The following NRXN1 variants were observed in gnomAD, a reference collection of about 807,000 sequenced individuals.
NRXN1 encodes neurexin-1.
NRXN1 carries 39 observed loss-of-function variants against 150.9 expected under a neutral mutation model. The observed-to-expected ratio is 0.26, with a 90% CI of 0.20 to 0.34. NRXN1 has a LOEUF of 0.34. Among genes scored for constraint, NRXN1 ranks in the 10% least tolerant of loss-of-function variants. NRXN1 has a pLI of 1.00. For missense variants in NRXN1, 1,815 were observed against 1,949.9 expected (o/e 0.93, Z 1.30); for synonymous variants, 924 against 757.0 (o/e 1.22, Z -3.62).
intron 17 of NRXN1, among the ~76,000 whole-genome samples, chr2:50,393,280 G>A (rs2081856411): frequency 6.6e-6 from 1 of 151,792 alleles, no homozygotes. Flanking sequence ...TTATCATACT[G>A]CCATTTATTC....
intron 5 of NRXN1, among the ~76,000 whole-genome samples, chr2:50,844,779 T>C (rs537322203): frequency 7.9e-5 from 12 of 152,280 alleles, no homozygotes; most frequent in East Asian, 1.9e-4. Flanking sequence ...AGAGCAAGTA[T>C]CATGGAATGG....
intron 8 of NRXN1, among the ~76,000 whole-genome samples, chr2:50,570,160 A>T (rs1430936834): frequency 6.6e-6 from 1 of 152,184 alleles, no homozygotes. Flanking sequence ...TCAAAGCAGG[A>T]ATGTCTTTTA....
At chr2:50,037,316 TA>T (rs199998218) in intron 21 of NRXN1, among the ~76,000 whole-genome samples, 4 of 122,280 alleles carry the variant, frequency 3.3e-5, no homozygotes, top group Non-Finnish European at 7.3e-5. Flanking sequence ...TCAAAATTTA[TA>T]AAAAAAATTT....
intron 22 of NRXN1, among the ~76,000 whole-genome samples, chr2:49,925,635 T>C (rs993364526): frequency 1.3e-5 from 2 of 152,148 alleles, no homozygotes; most frequent in African/African-American, 4.8e-5. Flanking sequence ...AATTTTGCAT[T>C]CCCTCTACAC....
chr2:50,603,104 T>C (rs990374281), intron 8 of NRXN1, among the ~76,000 whole-genome samples: 1 of 152,178 alleles, frequency 6.6e-6, no homozygotes, highest in Non-Finnish European at 1.5e-5. Context: ...TATTTAAAAA[T>C]GGACTATGAG....
chr2:50,755,146 T>C (rs1413288354), intron 5 of NRXN1, among the ~76,000 whole-genome samples: 1 of 151,814 alleles, frequency 6.6e-6, no homozygotes, highest in Non-Finnish European at 1.5e-5. Context: ...TGAGAACTGC[T>C]CCACTGGACA....
rs557282385 is a variant in NRXN1, at chr2:50,144,630, T to C, written c.3547-53136A>G. Among the ~76,000 whole-genome samples, 95 of 151,992 alleles carry C rather than the reference T, an allele frequency of 6.3e-4. 1 individual carries two copies. The highest frequency in any genetic ancestry group is 2.1e-3 in the African/African-American group (86 of 41,518). On this transcript the variant is annotated intron_variant, in intron 18 of 22. Transcript: ENST00000401669. ...ACCTTTGATTTAGTGTATGGAATAATTATATATGTATATATGTATGTATGT... is the reference window on the plus strand; with the variant it reads ...ACCTTTGATTTAGTGTATGGAATAACTATATATGTATATATGTATGTATGT...
chr2:50,612,972 C>T (rs1055112060), intron 8 of NRXN1, among the ~76,000 whole-genome samples: 43 of 152,190 alleles, frequency 2.8e-4, no homozygotes, highest in Non-Finnish European at 6.0e-4. Flanking sequence ...AGTAGAAGGA[C>T]TGAAATACAT....
chr2:50,724,587 G>T (rs962062137), intron 5 of NRXN1, among the ~76,000 whole-genome samples: 1 of 151,990 alleles, frequency 6.6e-6, no homozygotes, highest in Admixed American at 6.6e-5. Flanking sequence ...ACGTTGTATG[G>T]CTTTATATGG....
chr2:50,783,399 T>A (rs1362656328), intron 5 of NRXN1, among the ~76,000 whole-genome samples: 1 of 152,114 alleles, frequency 6.6e-6, no homozygotes, highest in Non-Finnish European at 1.5e-5. Flanking sequence ...TTTTGGAACA[T>A]ATTTGGCTTT....
intron 2 of NRXN1, among the ~76,000 whole-genome samples, chr2:50,952,733 G>A (rs989477859): frequency 6.6e-6 from 1 of 152,148 alleles, no homozygotes; most frequent in African/African-American, 2.4e-5. Flanking sequence ...ATGCAATTTG[G>A]CAGCAAATCA....
chr2:50,442,789 G>C (rs1336772098), intron 17 of NRXN1, among the ~76,000 whole-genome samples: 1 of 152,174 alleles, frequency 6.6e-6, no homozygotes, highest in Non-Finnish European at 1.5e-5. Context: ...TAGGAGACAG[G>C]TAGAGCAGCA....
chr2:50,638,679 T>G (rs570358475), intron 5 of NRXN1, among the ~76,000 whole-genome samples: 3 of 152,300 alleles, frequency 2.0e-5, no homozygotes, highest in African/African-American at 4.8e-5. Flanking sequence ...TTTCTACTTG[T>G]GGGTAAACCA....
At chr2:50,531,469 T>TA (rs2093109141) in intron 10 of NRXN1, 39 bp from the exon 11 acceptor site, 1 of 1,464,154 alleles carries the variant, frequency 6.8e-7, no homozygotes, top group Non-Finnish European at 9.4e-7. Context: ...TCTTGGATGG[T>TA]ATAGCGCATT....
intron 18 of NRXN1, among the ~76,000 whole-genome samples, chr2:50,202,652 T>C (rs544708921): frequency 3.2e-4 from 48 of 152,250 alleles, no homozygotes; most frequent in African/African-American, 1.0e-3. Context: ...CTGACACTTA[T>C]AGCAAAATTA....
In NRXN1 at chr2:50,136,317, A is replaced by C. The variant is rs572549187; in HGVS notation, c.3547-44823T>G. On this transcript the variant is annotated intron_variant, in intron 18 of 22. Transcript: ENST00000401669. The stretch of plus-strand genomic sequence containing the variant: ...AAAATGAGCTGGGTTAAGTATCCAA[A>C]CCAAGGAACAAGTTCATTTAAATGG... Among the ~76,000 whole-genome samples the C allele has an allele frequency of 2.0e-5, 3 of 152,326 alleles. No individual in the cohort carries two copies. In the East Asian group the frequency reaches 5.8e-4, roughly 29 times the overall value.
intron 10 of NRXN1, among the ~76,000 whole-genome samples, chr2:50,533,453 A>C (rs921742765): frequency 6.6e-6 from 1 of 152,182 alleles, no homozygotes; most frequent in African/African-American, 2.4e-5. Context: ...CTCATTGCTC[A>C]GACCTAAAGC....
intron 21 of NRXN1, among the ~76,000 whole-genome samples, chr2:49,944,034 C>G (rs895033359): frequency 6.6e-6 from 1 of 152,098 alleles, no homozygotes; most frequent in African/African-American, 2.4e-5. Flanking sequence ...TTGTAGATAC[C>G]CATCCACTCA....
At chr2:49,927,640 A>G (rs1324618924) in intron 22 of NRXN1, among the ~76,000 whole-genome samples, 1 of 152,216 alleles carries the variant, frequency 6.6e-6, no homozygotes, top group East Asian at 1.9e-4. Flanking sequence ...TTGTCATTAA[A>G]GAAAACTGCT....
Sources: gnomAD v4.1 joint callset for allele counts (sites outside exome capture counted in the v4.1 genomes callset) on GRCh38, gnomAD v4.1.1 for gene constraint, MANE v1.5 for transcripts, NCBI Gene and HGNC (gene_info 2026-07-23, HGNC 2026-07-21) for gene names.